TRIM71: variants seen among roughly 807,000 people sequenced by gnomAD.
The protein encoded by TRIM71 is E3 ubiquitin-protein ligase TRIM71.
A neutral mutation model predicts 61.2 loss-of-function variants in TRIM71; 9 were observed. That is an observed-to-expected ratio of 0.15 (90% CI 0.09 to 0.26). The LOEUF (loss-of-function observed/expected upper bound fraction) is 0.26, where lower values mean the gene tolerates loss of function less well. Ranked by LOEUF, TRIM71 falls within the 10% of genes least tolerant of loss-of-function variation. The pLI is 1.00. For synonymous variants in TRIM71, 645 were observed against 553.2 expected (o/e 1.17, Z -2.33); for missense variants, 998 against 1,238.7 (o/e 0.81, Z 2.92).
intron 1 of TRIM71, among the ~76,000 whole-genome samples, chr3:32,858,088 G>C (rs1696626841): frequency 6.6e-6 from 1 of 152,206 alleles, no homozygotes; most frequent in African/African-American, 2.4e-5. Flanking sequence ...GAGGAAGAGA[G>C]AGAGGAGGGT....
intron 1 of TRIM71, among the ~76,000 whole-genome samples, chr3:32,837,730 C>T (rs1352413447): frequency 1.3e-5 from 2 of 151,992 alleles, no homozygotes; most frequent in East Asian, 1.9e-4. Context: ...GGTGTGAACC[C>T]GGGAGGCGGA....
At chr3:32,848,974 G>T (rs892623244) in intron 1 of TRIM71, among the ~76,000 whole-genome samples, 1 of 152,136 alleles carries the variant, frequency 6.6e-6, no homozygotes, top group African/African-American at 2.4e-5. Flanking sequence ...TCTAGGGTTG[G>T]AGAGAGGTTA....
chr3:32,854,992 C>T (rs1338608907), intron 1 of TRIM71, among the ~76,000 whole-genome samples: 1 of 152,182 alleles, frequency 6.6e-6, no homozygotes, highest in East Asian at 1.9e-4. Context: ...ATTCATATAA[C>T]ACAGTATGTT....
At chr3:32,828,857 G>C (rs1254238380) in intron 1 of TRIM71, among the ~76,000 whole-genome samples, 5 of 151,872 alleles carry the variant, frequency 3.3e-5, no homozygotes, top group African/African-American at 1.2e-4. Flanking sequence ...TAATTTTTTT[G>C]TAGAGACAGG....
intron 1 of TRIM71, among the ~76,000 whole-genome samples, chr3:32,870,563 G>T (rs1005065683): frequency 6.6e-6 from 1 of 151,934 alleles, no homozygotes; most frequent in Non-Finnish European, 1.5e-5. Flanking sequence ...CTCTGGTGTC[G>T]GCTCAGGGCA....
intron 2 of TRIM71, among the ~76,000 whole-genome samples, chr3:32,882,731 ACGGG>A (rs1264265171): frequency 6.6e-5 from 10 of 151,920 alleles, no homozygotes; most frequent in African/African-American, 2.4e-4. Context: ...TTTTGTAGAG[ACGGG>A]GTCTCACTCT....
intron 1 of TRIM71, among the ~76,000 whole-genome samples, chr3:32,827,963 T>C (rs1292085248): frequency 6.6e-6 from 1 of 152,204 alleles, no homozygotes; most frequent in East Asian, 1.9e-4. Context: ...TTGGGACTAA[T>C]TGGGATAATT....
intron 1 of TRIM71, among the ~76,000 whole-genome samples, chr3:32,852,768 A>AAC (rs1553644845): frequency 2.8e-5 from 4 of 141,782 alleles, no homozygotes; most frequent in African/African-American, 8.2e-5. Flanking sequence ...TTAAAAAAAA[A>AAC]AAAAAACAAA....
intron 2 of TRIM71, among the ~76,000 whole-genome samples, chr3:32,877,393 C>T (rs966472389): frequency 9.4e-5 from 14 of 148,298 alleles, no homozygotes; most frequent in African/African-American, 2.9e-4. Context: ...TGTGAGCCAC[C>T]GCGCCTGGCC....
At chr3:32,866,648 G>A (rs1168489679) in intron 1 of TRIM71, among the ~76,000 whole-genome samples, 1 of 152,196 alleles carries the variant, frequency 6.6e-6, no homozygotes, top group Non-Finnish European at 1.5e-5. Flanking sequence ...CGTGTCGATG[G>A]AAAATAATTC....
intron 1 of TRIM71, among the ~76,000 whole-genome samples, chr3:32,849,316 G>A (rs1007070332): frequency 6.6e-6 from 1 of 152,062 alleles, no homozygotes; most frequent in African/African-American, 2.4e-5. Flanking sequence ...TTTTTAAACA[G>A]TGTGGTTAGA....
Position 32,890,179 on chromosome 3 carries a change from T to C in TRIM71, c.1156-181T>C, listed in dbSNP as rs142010911. On this transcript the variant is annotated intron_variant, in intron 3 of 3. Coordinates refer to ENST00000383763, the MANE Select transcript of TRIM71 (RefSeq NM_001039111.3). The surrounding 1 kb of genome is among the most constrained non-coding windows in gnomAD (Gnocchi z 6.2). ...TATCCTCTGTAACCCAGAACAGTTC[T>C]TCAGGTTTTTTGGTCCATTTTGATT... 7.2e-5 allele frequency among the ~76,000 whole-genome samples: 11 copies of C among 152,308 alleles called. No individual in the cohort carries two copies. The East Asian group carries it at 2.1e-3, about 29-fold the overall frequency.
chr3:32,869,803 G>A (rs980775775), intron 1 of TRIM71, among the ~76,000 whole-genome samples: 1 of 152,186 alleles, frequency 6.6e-6, no homozygotes, highest in African/African-American at 2.4e-5. Flanking sequence ...CTGGGGGCAG[G>A]GAAGAGGGTG....
Position 32,886,029 on chromosome 3 carries a change from G to C in TRIM71, c.1116G>C (p.Lys372Asn). The C allele has an allele frequency of 6.2e-7, 1 of 1,614,178 alleles. No homozygotes were observed. The highest frequency in any genetic ancestry group is 8.5e-7 in the Non-Finnish European group (1 of 1,180,024). Residue 372 changes from lysine (K) to asparagine (N), a missense_variant, in exon 3 of 4, where the codon AAG (lysine) becomes AAC (asparagine). Coordinates refer to ENST00000383763, the MANE Select transcript of TRIM71 (RefSeq NM_001039111.3). ...SEVKAVTARHKKALEERECEL... is the reference protein window; with the variant it reads ...SEVKAVTARHNKALEERECEL... ...TCAAAGCCGTGACGGCGAGGCATAA[G>C]AAAGCCCTGGAGGAACGCGAGTGTG...
intron 1 of TRIM71, among the ~76,000 whole-genome samples, chr3:32,832,885 A>G (rs953201740): frequency 2.6e-5 from 4 of 152,084 alleles, no homozygotes; most frequent in African/African-American, 4.8e-5. Context: ...ATAAAGAATT[A>G]TTGACTGGGC....
intron 2 of TRIM71, among the ~76,000 whole-genome samples, chr3:32,875,971 C>A (rs527393192): frequency 7.9e-5 from 12 of 152,296 alleles, no homozygotes; most frequent in African/African-American, 2.9e-4. Flanking sequence ...TCTGATGAGT[C>A]AGATTTTATG....
In TRIM71 at chr3:32,828,396, T is replaced by C. The variant is rs374945330; in HGVS notation, c.852+9464T>C. ...TAGGTTAGATTCTGCTTTGCCTCAG[T>C]TTTTGCATCTGTAAAATGAGGGTAA... is the stretch of plus-strand genomic sequence containing the variant. On this transcript the variant is annotated intron_variant, in intron 1 of 3. Coordinates refer to ENST00000383763, the MANE Select transcript of TRIM71 (RefSeq NM_001039111.3). Among the ~76,000 whole-genome samples the C allele has an allele frequency of 3.3e-4, 51 of 152,292 alleles. No individual in the cohort carries two copies. The South Asian group carries it at 1.0e-2, about 30-fold the overall frequency.
chr3:32,848,040 A>G (rs1460326754), intron 1 of TRIM71, among the ~76,000 whole-genome samples: 2 of 152,204 alleles, frequency 1.3e-5, no homozygotes, highest in African/African-American at 4.8e-5. Flanking sequence ...AAGGAACTTG[A>G]GTATCCTTGG....
intron 1 of TRIM71, among the ~76,000 whole-genome samples, chr3:32,850,957 A>G (rs1056559706): frequency 1.3e-5 from 2 of 152,168 alleles, no homozygotes; most frequent in African/African-American, 2.4e-5. Flanking sequence ...GTTTAAATAG[A>G]AAAGGTGTTC....
Sources: gnomAD v4.1 joint callset for allele counts (sites outside exome capture counted in the v4.1 genomes callset) on GRCh38, gnomAD v4.1.1 for gene constraint, Gnocchi (gnomAD v3.1) non-coding constraint, MANE v1.5 for transcripts, NCBI Gene and HGNC (gene_info 2026-07-23, HGNC 2026-07-21) for gene names.